Variants in KLRG2 observed in about 807,000 individuals in gnomAD.
The protein encoded by KLRG2 is killer cell lectin-like receptor subfamily G member 2.
KLRG2 carries 39 observed loss-of-function variants against 35.4 expected under a neutral mutation model. The ratio of observed to expected loss-of-function variants is 1.10; its 90% confidence interval spans 0.85 to 1.44. The LOEUF (loss-of-function observed/expected upper bound fraction) is 1.44. Ranked by LOEUF, KLRG2 falls within the 40% of genes most tolerant of loss-of-function variation. The probability of loss-of-function intolerance (pLI) is 0.00; values close to 1 mark genes in which losing one functional copy is unlikely to be tolerated. For missense variants in KLRG2, 632 were observed against 570.9 expected, an observed-to-expected ratio of 1.11 and a Z score of -1.09; for synonymous variants, 283 against 265.8, an observed-to-expected ratio of 1.06 and a Z score of -0.63.
intron 3 of KLRG2, 73 bp from the exon 4 acceptor site, chr7:139,454,287 G>A: frequency 1.3e-6 from 1 of 745,824 alleles, no homozygotes; most frequent in Admixed American, 2.6e-5. Context: ...GGATTCCCTG[G>A]GGCTTCCACA....
chr7:139,481,437 C>T (rs1048934519), intron 1 of KLRG2, among the ~76,000 whole-genome samples: 24 of 152,206 alleles, frequency 1.6e-4, no homozygotes, highest in Non-Finnish European at 3.2e-4. Flanking sequence ...AACCCTAGCC[C>T]TGTCTAAGAA....
chr7:139,444,111 T>G, the KLRG2 span, among the ~76,000 whole-genome samples: 1 of 152,186 alleles, frequency 6.6e-6, no homozygotes, highest in Middle Eastern at 3.2e-3. Flanking sequence ...GCAAGTCTGC[T>G]CTTTCCAACT....
At chr7:139,431,912 T>G in the KLRG2 span, among the ~76,000 whole-genome samples, 1 of 152,138 alleles carries the variant, frequency 6.6e-6, no homozygotes, top group Non-Finnish European at 1.5e-5. Context: ...ATTTCTGAAG[T>G]CAGAACTTCT....
At chr7:139,469,160 G>A (rs555341888) in intron 3 of KLRG2, among the ~76,000 whole-genome samples, 6 of 152,136 alleles carry the variant, frequency 3.9e-5, no homozygotes, top group Non-Finnish European at 7.4e-5. Context: ...CATAAGATTT[G>A]TTTATTTACT....
At chr7:139,464,766 C>T (rs1389630417) in intron 3 of KLRG2, among the ~76,000 whole-genome samples, 1 of 152,250 alleles carries the variant, frequency 6.6e-6, no homozygotes, top group Non-Finnish European at 1.5e-5. Context: ...GCCTTCATGT[C>T]TGTGTGTGGC....
intron 3 of KLRG2, among the ~76,000 whole-genome samples, chr7:139,467,915 A>G (rs552392200): frequency 6.6e-6 from 1 of 152,244 alleles, no homozygotes; most frequent in Admixed American, 6.5e-5. Context: ...CCTGCTCGTC[A>G]CTGGGCAATG....
chr7:139,435,498 A>T, the KLRG2 span, among the ~76,000 whole-genome samples: 14 of 152,210 alleles, frequency 9.2e-5, no homozygotes, highest in African/African-American at 3.1e-4. Flanking sequence ...TCAAAAAAAA[A>T]TCACCAATTT....
intron 3 of KLRG2, among the ~76,000 whole-genome samples, chr7:139,479,182 A>C (rs1489250919): frequency 6.6e-6 from 1 of 152,126 alleles, no homozygotes; most frequent in Admixed American, 6.5e-5. Flanking sequence ...TCCCAGGTTC[A>C]AGCAATTCTC....
At chr7:139,444,983 G>T in the KLRG2 span, among the ~76,000 whole-genome samples, 1 of 152,048 alleles carries the variant, frequency 6.6e-6, no homozygotes, top group Non-Finnish European at 1.5e-5. Flanking sequence ...CAAGAGACGA[G>T]ATTCACCCAA....
At chr7:139,467,662 C>A (rs1372609478) in intron 3 of KLRG2, among the ~76,000 whole-genome samples, 4 of 150,786 alleles carry the variant, frequency 2.7e-5, no homozygotes, top group East Asian at 1.9e-4. Flanking sequence ...GTCATCACCA[C>A]TCCCTAATCT....
chr7:139,443,054 C>T, the KLRG2 span, among the ~76,000 whole-genome samples: 1 of 150,802 alleles, frequency 6.6e-6, no homozygotes. Flanking sequence ...AGTTAATATT[C>T]CTGGAGGCAA....
At chr7:139,454,668 T>C (rs1374691415) in intron 3 of KLRG2, among the ~76,000 whole-genome samples, 1 of 150,302 alleles carries the variant, frequency 6.7e-6, no homozygotes, top group Non-Finnish European at 1.5e-5. Context: ...AAAAAAAAAT[T>C]AGCTGGGCAT....
intron 3 of KLRG2, among the ~76,000 whole-genome samples, chr7:139,462,545 G>C (rs1440279094): frequency 6.6e-6 from 1 of 152,008 alleles, no homozygotes; most frequent in African/African-American, 2.4e-5. Flanking sequence ...CCTTTAGCCT[G>C]TGTTCTCAAG....
At chr7:139,429,050 C>T in the KLRG2 span, among the ~76,000 whole-genome samples, 4 of 152,182 alleles carry the variant, frequency 2.6e-5, no homozygotes, top group African/African-American at 7.2e-5. Context: ...GGCGTGGTGG[C>T]TTACGCCTGT....
chr7:139,437,076 G>A, the KLRG2 span, among the ~76,000 whole-genome samples: 22 of 152,218 alleles, frequency 1.4e-4, no homozygotes, highest in East Asian at 1.5e-3. Context: ...TGAGAAAGAC[G>A]CCACTGTGCA....
chr7:139,453,445 G>T lies in KLRG2; in HGVS notation c.*142C>A. Reference sequence around the variant, plus strand: ...TCCTGGGTTGAAGTCCAGCTCCTAGGCTCGCTCATGTGGCCCCCTTGAGCA... The same window carrying T: ...TCCTGGGTTGAAGTCCAGCTCCTAGTCTCGCTCATGTGGCCCCCTTGAGCA... On this transcript the variant is annotated 3_prime_UTR_variant, in exon 5 of 5. Transcript: ENST00000340940. 3 of 817,500 alleles carry T rather than the reference G, an allele frequency of 3.7e-6. No homozygotes were observed. The highest frequency in any genetic ancestry group is 5.6e-6 in the Non-Finnish European group (3 of 533,890). The allele number at this position is 817,500 out of a possible 1,614,324, so 50.6% of individuals were successfully genotyped here. A position where few individuals can be genotyped will look rare whatever the true frequency, so the allele number is the denominator to read the frequency against.
chr7:139,445,270 C>T, the KLRG2 span, among the ~76,000 whole-genome samples: 13,664 of 151,906 alleles, frequency 0.09, 1,787 homozygotes, highest in African/African-American at 0.29. Context: ...TCAGTAGAGA[C>T]GGGGTTTCCC....
chr7:139,463,747 G>C (rs1176672132), intron 3 of KLRG2, among the ~76,000 whole-genome samples: 1 of 152,198 alleles, frequency 6.6e-6, no homozygotes, highest in Non-Finnish European at 1.5e-5. Context: ...AGATCTTCTT[G>C]ACTTAGCGGC....
chr7:139,463,975 C>T (rs936279332), intron 3 of KLRG2, among the ~76,000 whole-genome samples: 10 of 152,194 alleles, frequency 6.6e-5, no homozygotes, highest in Admixed American at 3.3e-4. Context: ...AACTCCCCAA[C>T]TCTGATGCTA....
Sources: gnomAD v4.1 joint callset for allele counts (sites outside exome capture counted in the v4.1 genomes callset) on GRCh38, gnomAD v4.1.1 for gene constraint, MANE v1.5 for transcripts, NCBI Gene and HGNC (gene_info 2026-07-23, HGNC 2026-07-21) for gene names.